The following DST variants were observed in gnomAD, a reference collection of about 807,000 sequenced individuals.
DST encodes the protein dystonin.
Under a neutral mutation model 875.2 loss-of-function variants are expected in DST, and 253 were observed. That is an observed-to-expected ratio of 0.29 (90% CI 0.26 to 0.32). The LOEUF (loss-of-function observed/expected upper bound fraction) is 0.32, where lower values mean the gene tolerates loss of function less well. Among genes scored for constraint, DST ranks in the 10% least tolerant of loss-of-function variants. The pLI is 1.00. For missense variants in DST, 8,287 were observed against 9,111.6 expected, an observed-to-expected ratio of 0.91 and a Z score of 3.68; for synonymous variants, 3,124 against 3,197.1, an observed-to-expected ratio of 0.98 and a Z score of 0.77.
At chr6:56,879,506 AT>A (rs1182649303) in intron 3 of DST, among the ~76,000 whole-genome samples, 3 of 152,126 alleles carry the variant, frequency 2.0e-5, no homozygotes, top group African/African-American at 7.2e-5. Flanking sequence ...TAACATGCAT[AT>A]AGTGGTATGT....
chr6:56,872,818 T>G (rs1777846823), intron 3 of DST, among the ~76,000 whole-genome samples: 1 of 133,706 alleles, frequency 7.5e-6, no homozygotes, highest in Non-Finnish European at 1.6e-5. Context: ...TTCAATACAC[T>G]GATTCCCCCC....
At chr6:56,489,364 A>T in intron 86 of DST, 126 bp downstream of exon 86, 1 of 886,336 alleles carries the variant, frequency 1.1e-6, no homozygotes, top group Non-Finnish European at 1.5e-6. Context: ...TTTTAAATTT[A>T]ATACAGGTTC....
intron 4 of DST, among the ~76,000 whole-genome samples, chr6:56,773,311 G>A (rs1275086465): frequency 6.6e-6 from 1 of 151,894 alleles, no homozygotes; most frequent in East Asian, 1.9e-4. Context: ...GACCTTATAA[G>A]TTATTGGTCC....
chr6:56,874,669 A>T (rs937345865), intron 3 of DST, among the ~76,000 whole-genome samples: 1 of 152,216 alleles, frequency 6.6e-6, no homozygotes, highest in Admixed American at 6.5e-5. Context: ...CAAATTCTGC[A>T]TTCTTTCCCA....
At chr6:56,709,329 G>A in intron 5 of DST, among the ~76,000 whole-genome samples, 1 of 152,162 alleles carries the variant, frequency 6.6e-6, no homozygotes, top group Non-Finnish European at 1.5e-5. Flanking sequence ...ATTTATTTTG[G>A]AGTGAGAACA....
chr6:56,946,924 G>T (rs945649136), intron 2 of DST, among the ~76,000 whole-genome samples: 1 of 152,140 alleles, frequency 6.6e-6, no homozygotes, highest in Non-Finnish European at 1.5e-5. Flanking sequence ...TTTACATAAT[G>T]AATTACCTGC....
At chr6:56,856,965 A>C (rs1245210452) in intron 3 of DST, among the ~76,000 whole-genome samples, 1 of 152,116 alleles carries the variant, frequency 6.6e-6, no homozygotes, top group East Asian at 1.9e-4. Context: ...CAACTTTTCT[A>C]TAAATCTGAA....
At chr6:56,906,042 G>A (rs1402415409) in intron 2 of DST, among the ~76,000 whole-genome samples, 3 of 152,144 alleles carry the variant, frequency 2.0e-5, no homozygotes, top group Admixed American at 6.5e-5. Context: ...ATGAACATAG[G>A]AGCATATATA....
intron 52 of DST, 89 bp downstream of exon 52, chr6:56,572,658 T>G (rs572458763): frequency 2.1e-6 from 2 of 951,064 alleles, no homozygotes; most frequent in Non-Finnish European, 3.0e-6. Flanking sequence ...TTAAAATGAT[T>G]GCCAATTATA....
At chr6:56,531,664 C>G (rs2096897327) in intron 64 of DST, among the ~76,000 whole-genome samples, 2 of 152,132 alleles carry the variant, frequency 1.3e-5, no homozygotes, top group Admixed American at 6.5e-5. Flanking sequence ...ACCCAACCAG[C>G]CTAGGTGACT....
chr6:56,634,179 A>T lies in DST; in HGVS notation c.3574T>A (p.Tyr1192Asn), dbSNP rs1486142419. The T allele has an allele frequency of 1.2e-6, 2 of 1,613,464 alleles. No homozygotes were observed. The highest frequency in any genetic ancestry group is 2.7e-5 in the African/African-American group (2 of 74,934). ...INMKSVVSWH[Y>N]LINEIDRIRA... The stretch of plus-strand genomic sequence containing the variant: ...ATTCTATCAATTTCATTGATGAGAT[A>T]ATGCCAGGATACTACACTCTTCATG... The change falls in exon 27 of 104, where the codon TAT becomes AAT. Residue 1192 changes from tyrosine (Y) to asparagine (N), a missense_variant. Coordinates refer to ENST00000680361, the MANE Select transcript of DST (RefSeq NM_001374736.1).
At chr6:56,546,773 G>GTC (rs948295310) in intron 61 of DST, among the ~76,000 whole-genome samples, 1 of 151,924 alleles carries the variant, frequency 6.6e-6, no homozygotes, top group East Asian at 1.9e-4. Context: ...ATTCTTCTCT[G>GTC]TCTCTCTCTC....
At chr6:56,590,769 C>T (rs991325844) in intron 49 of DST, among the ~76,000 whole-genome samples, 3 of 152,168 alleles carry the variant, frequency 2.0e-5, no homozygotes, top group African/African-American at 4.8e-5. Context: ...AGAAGCAGTG[C>T]CCTCCACCCT....
intron 93 of DST, 134 bp downstream of exon 93, chr6:56,473,739 C>G (rs1353058058): frequency 7.3e-6 from 6 of 821,348 alleles, no homozygotes; most frequent in Non-Finnish European, 5.6e-6. Flanking sequence ...ACACGTATTC[C>G]TTCTAGAAAG....
rs373303989 is a variant in DST at position 56,470,973 on chromosome 6, AG to A, written c.22321+132del. On this transcript the variant is annotated intron_variant, in intron 95 of 103. Transcript: ENST00000680361. Reference sequence around the variant, plus strand: ...ATTTTACCAAAAAAACATTTTTTTAAGGGTCGTGACTTCCTAGGCAACTTAT... The same window carrying A: ...ATTTTACCAAAAAAACATTTTTTTAAGGTCGTGACTTCCTAGGCAACTTAT... 3.9e-5 allele frequency: 36 copies of A among 911,632 alleles called. No individual in the cohort carries two copies. The African/African-American group carries it at 5.0e-4, about 13-fold the overall frequency. 56.5% of individuals were successfully genotyped at this position (911,632 alleles called of 1,614,324 possible).
intron 55 of DST, among the ~76,000 whole-genome samples, chr6:56,567,301 A>G (rs978334714): frequency 1.8e-4 from 27 of 152,312 alleles, no homozygotes; most frequent in African/African-American, 4.8e-4. Context: ...AAACAGAAAC[A>G]TTAAAATATC....
chr6:56,651,089 A>G lies in DST; in HGVS notation c.1327+43T>C. On this transcript the variant is annotated intron_variant, in intron 11 of 103. Transcript: ENST00000680361. ...CAATGTTGATAAATTACTTTTGATC[A>G]GACTTTCATGCCAGTCCACATATAA... is the stretch of plus-strand genomic sequence containing the variant. 2.5e-6 allele frequency: 4 copies of G among 1,589,778 alleles called. No homozygotes were observed. In the South Asian group the frequency reaches 3.3e-5, roughly 13 times the overall value.
chr6:56,643,169 A>G (rs1170222811), intron 15 of DST, among the ~76,000 whole-genome samples: 3 of 152,232 alleles, frequency 2.0e-5, no homozygotes, highest in African/African-American at 4.8e-5. Context: ...GTCCAGGACA[A>G]CTAGTAAAGA....
At chr6:56,766,713 TAG>T (rs2099634313) in intron 4 of DST, among the ~76,000 whole-genome samples, 1 of 152,106 alleles carries the variant, frequency 6.6e-6, no homozygotes, top group Admixed American at 6.5e-5. Flanking sequence ...GCACTTTTAG[TAG>T]AGTCGGGGTT....
Sources: allele counts gnomAD v4.1 joint callset (sites outside exome capture counted in the v4.1 genomes callset), GRCh38; gene constraint gnomAD v4.1.1; transcripts MANE v1.5; gene names NCBI Gene and HGNC (gene_info 2026-07-23, HGNC 2026-07-21).